The following SCAMP1 variants were observed in gnomAD, a reference collection of about 807,000 sequenced individuals.
SCAMP1 encodes secretory carrier membrane protein 1.
A neutral mutation model predicts 41.8 loss-of-function variants in SCAMP1; 15 were observed. The ratio of observed to expected loss-of-function variants is 0.36; its 90% CI spans 0.24 to 0.55. SCAMP1 has a LOEUF of 0.55. Ranked by LOEUF, SCAMP1 falls within the 20% of genes least tolerant of loss-of-function variation. SCAMP1 has a pLI of 0.86. For missense variants in SCAMP1, 341 were observed against 412.6 expected, an observed-to-expected ratio of 0.83 and a Z score of 1.50; for synonymous variants, 135 against 136.8, an observed-to-expected ratio of 0.99 and a Z score of 0.09.
intron 6 of SCAMP1, among the ~76,000 whole-genome samples, chr5:78,428,871 A>G (rs1451104621): frequency 6.6e-6 from 1 of 151,988 alleles, no homozygotes; most frequent in East Asian, 1.9e-4. Context: ...TTTTTATGTT[A>G]TTTTAGGTGG....
intron 8 of SCAMP1, among the ~76,000 whole-genome samples, chr5:78,471,153 A>G (rs1422706047): frequency 1.3e-5 from 2 of 152,204 alleles, no homozygotes; most frequent in African/African-American, 4.8e-5. Flanking sequence ...AAATGGACAG[A>G]AACCCTGTAA....
intron 2 of SCAMP1, among the ~76,000 whole-genome samples, chr5:78,399,615 T>C (rs1751750058): frequency 6.6e-6 from 1 of 152,252 alleles, no homozygotes; most frequent in Admixed American, 6.5e-5. Context: ...GTATCTTCTT[T>C]TATGAAGTTT....
intron 2 of SCAMP1, among the ~76,000 whole-genome samples, chr5:78,391,475 C>A (rs1244563967): frequency 4.6e-5 from 7 of 151,516 alleles, no homozygotes; most frequent in Non-Finnish European, 8.8e-5. Context: ...CACCTCCCTC[C>A]CGGATGGGGT....
At chr5:78,450,104 T>C in intron 7 of SCAMP1, 70 bp downstream of exon 7, 2 of 812,076 alleles carry the variant, frequency 2.5e-6, no homozygotes, top group Non-Finnish European at 4.0e-6. Context: ...CTTCCTAATC[T>C]AGTTAACACA....
At chr5:78,457,215 C>G (rs969208874) in intron 7 of SCAMP1, among the ~76,000 whole-genome samples, 1 of 152,176 alleles carries the variant, frequency 6.6e-6, no homozygotes, top group Non-Finnish European at 1.5e-5. Context: ...CAGCTTTGTT[C>G]CGTTGCTGGT....
At chr5:78,406,872 C>T (rs772217635) in intron 2 of SCAMP1, among the ~76,000 whole-genome samples, 10 of 152,112 alleles carry the variant, frequency 6.6e-5, no homozygotes, top group South Asian at 4.1e-4. Flanking sequence ...ATTCTGCCTC[C>T]GGGGTCAGTT....
intron 7 of SCAMP1, among the ~76,000 whole-genome samples, chr5:78,451,147 CATGT>C (rs1203716243): frequency 6.6e-6 from 1 of 152,038 alleles, no homozygotes; most frequent in Non-Finnish European, 1.5e-5. Flanking sequence ...AGCATAACAG[CATGT>C]ATGTGACTAA....
intron 1 of SCAMP1, among the ~76,000 whole-genome samples, chr5:78,361,530 G>A (rs1750652536): frequency 6.6e-6 from 1 of 152,146 alleles, no homozygotes; most frequent in South Asian, 2.1e-4. Context: ...TCTTGGAGTC[G>A]ACCTTATCAA....
chr5:78,449,679 C>T (rs1278974912), intron 6 of SCAMP1, among the ~76,000 whole-genome samples: 1 of 152,020 alleles, frequency 6.6e-6, no homozygotes, highest in East Asian at 1.9e-4. Flanking sequence ...GATTGTGGTG[C>T]AGTTGGAAAT....
At chr5:78,425,210 A>G (rs1320848989) in intron 6 of SCAMP1, among the ~76,000 whole-genome samples, 1 of 152,234 alleles carries the variant, frequency 6.6e-6, no homozygotes. Flanking sequence ...TTTTCAAAGT[A>G]GTACTTTCTC....
Position 78,479,442 on chromosome 5 carries a change from A to G in SCAMP1, c.*3774A>G, listed in dbSNP as rs1312792248. ...TGAGCTAAAAAGTTTTATCTCACATATTAAGTATTACAGAAAGTGAAGTAT... is the reference window on the plus strand; with the variant it reads ...TGAGCTAAAAAGTTTTATCTCACATGTTAAGTATTACAGAAAGTGAAGTAT... On this transcript the variant is annotated 3_prime_UTR_variant, in exon 9 of 9. Coordinates refer to ENST00000621999, the MANE Select transcript of SCAMP1 (RefSeq NM_004866.6). Among the ~76,000 whole-genome samples the G allele has an allele frequency of 1.3e-5, 2 of 152,216 alleles. No homozygotes were observed. The highest frequency in any genetic ancestry group is 2.4e-5 in the African/African-American group (1 of 41,464).
intron 1 of SCAMP1, among the ~76,000 whole-genome samples, chr5:78,374,876 A>G (rs1030987212): frequency 5.9e-5 from 9 of 152,130 alleles, no homozygotes; most frequent in African/African-American, 2.2e-4. Flanking sequence ...GATTTATTGA[A>G]TAATTCCTAG....
intron 7 of SCAMP1, among the ~76,000 whole-genome samples, chr5:78,452,794 A>G (rs1753272900): frequency 1.4e-5 from 2 of 146,122 alleles, no homozygotes; most frequent in South Asian, 4.4e-4. Context: ...ACTAGTTTAC[A>G]GTCCCACCAA....
At chr5:78,422,712 T>A (rs574845606) in intron 6 of SCAMP1, among the ~76,000 whole-genome samples, 1 of 152,324 alleles carries the variant, frequency 6.6e-6, no homozygotes, top group South Asian at 2.1e-4. Context: ...AACCATTATT[T>A]TTCTGTGGAG....
intron 1 of SCAMP1, among the ~76,000 whole-genome samples, chr5:78,363,250 TC>T (rs991809534): frequency 2.6e-5 from 4 of 151,374 alleles, no homozygotes; most frequent in African/African-American, 9.7e-5. Context: ...TCTCCCTCTG[TC>T]GCCCAGGTTG....
At chr5:78,422,919 A>G (rs1752373074) in intron 6 of SCAMP1, among the ~76,000 whole-genome samples, 1 of 152,180 alleles carries the variant, frequency 6.6e-6, no homozygotes, top group African/African-American at 2.4e-5. Flanking sequence ...AGGATATATT[A>G]GGGAAATTAG....
chr5:78,389,543 A>G (rs999120829), intron 2 of SCAMP1, among the ~76,000 whole-genome samples: 3 of 152,052 alleles, frequency 2.0e-5, no homozygotes, highest in Non-Finnish European at 2.9e-5. Flanking sequence ...TGCTGCAACT[A>G]CAGATGTGAG....
intron 2 of SCAMP1, among the ~76,000 whole-genome samples, chr5:78,394,057 C>T (rs996381985): frequency 2.0e-5 from 3 of 152,044 alleles, no homozygotes; most frequent in South Asian, 2.1e-4. Context: ...TTTTCTGTTT[C>T]GCTAGTTGAT....
intron 6 of SCAMP1, among the ~76,000 whole-genome samples, chr5:78,439,303 C>G (rs1013012592): frequency 6.7e-6 from 1 of 149,568 alleles, no homozygotes; most frequent in Non-Finnish European, 1.5e-5. Flanking sequence ...CAGTTTCTTC[C>G]TAGCATCGAT....
Sources: allele counts gnomAD v4.1 joint callset (sites outside exome capture counted in the v4.1 genomes callset), GRCh38; gene constraint gnomAD v4.1.1; transcripts MANE v1.5; gene names NCBI Gene and HGNC (gene_info 2026-07-23, HGNC 2026-07-21).